Variants in TBL1XR1 observed in about 807,000 individuals in gnomAD.
TBL1XR1 encodes the protein F-box-like/WD repeat-containing protein TBL1XR1.
Under a neutral mutation model 66.9 loss-of-function variants are expected in TBL1XR1, and 5 were observed. That is an observed-to-expected ratio of 0.07 (90% CI 0.04 to 0.16). TBL1XR1 has a LOEUF of 0.16. Among genes scored for constraint, TBL1XR1 ranks in the 10% least tolerant of loss-of-function variants. The pLI, the probability that TBL1XR1 is intolerant of heterozygous loss-of-function variation, is 1.00. For synonymous variants in TBL1XR1, 210 were observed against 206.0 expected, an observed-to-expected ratio of 1.02 and a Z score of -0.17; for missense variants, 238 against 623.2, an observed-to-expected ratio of 0.38 and a Z score of 6.58.
chr3:177,141,929 G>A (rs961425094), intron 1 of TBL1XR1, among the ~76,000 whole-genome samples: 5 of 152,214 alleles, frequency 3.3e-5, no homozygotes, highest in Admixed American at 6.5e-5. Flanking sequence ...GTTATGCTAA[G>A]TATATTAAGG....
At chr3:177,110,542 CAA>C (rs1404377692) in intron 1 of TBL1XR1, among the ~76,000 whole-genome samples, 1 of 151,948 alleles carries the variant, frequency 6.6e-6, no homozygotes, top group Non-Finnish European at 1.5e-5. Context: ...CAGCAGAAGA[CAA>C]AGAGGAGGCA....
At chr3:177,053,683 A>C (rs1235959109) in intron 4 of TBL1XR1, 90 bp downstream of exon 4, 2 of 1,301,412 alleles carry the variant, frequency 1.5e-6, no homozygotes, top group Admixed American at 2.1e-5. Flanking sequence ...GTGAAGCTAA[A>C]GTCAGAATAC....
intron 2 of TBL1XR1, among the ~76,000 whole-genome samples, chr3:177,069,858 A>AAT (rs1560139269): frequency 6.6e-6 from 1 of 151,776 alleles, no homozygotes; most frequent in Non-Finnish European, 1.5e-5. Context: ...GGAAGGAAAA[A>AAT]CAACACACCA....
At chr3:177,160,142 T>C (rs1413308618) in intron 1 of TBL1XR1, among the ~76,000 whole-genome samples, 3 of 152,098 alleles carry the variant, frequency 2.0e-5, no homozygotes, top group Admixed American at 6.6e-5. Context: ...TGAAGAGCTG[T>C]TGGAGGCCTT....
At chr3:177,116,207 C>A (rs1726291196) in intron 1 of TBL1XR1, among the ~76,000 whole-genome samples, 1 of 152,106 alleles carries the variant, frequency 6.6e-6, no homozygotes, top group Admixed American at 6.6e-5. Context: ...CCCCCCAACC[C>A]ATGTCACACA....
chr3:177,072,212 C>A (rs1000904905), intron 2 of TBL1XR1, among the ~76,000 whole-genome samples: 6 of 152,166 alleles, frequency 3.9e-5, no homozygotes, highest in African/African-American at 1.2e-4. Context: ...ATACTAATGA[C>A]AAAATGTGAT....
chr3:177,147,889 T>C (rs945810355), intron 1 of TBL1XR1, among the ~76,000 whole-genome samples: 5 of 152,306 alleles, frequency 3.3e-5, no homozygotes, highest in African/African-American at 9.6e-5. Flanking sequence ...TGATCTACTA[T>C]AAGCAACAAT....
intron 14 of TBL1XR1, 132 bp downstream of exon 14, chr3:177,032,839 A>G: frequency 1.4e-6 from 1 of 693,100 alleles, no homozygotes; most frequent in Non-Finnish European, 2.1e-6. Context: ...ATTAGTTTCT[A>G]TCTTATTTTA....
intron 3 of TBL1XR1, among the ~76,000 whole-genome samples, chr3:177,056,059 G>C (rs1018123121): frequency 7.2e-5 from 11 of 152,136 alleles, no homozygotes; most frequent in Non-Finnish European, 1.5e-4. Flanking sequence ...TTTCCTGATA[G>C]AAAGTAAAAG....
At chr3:177,079,088 A>G (rs1210944815) in intron 2 of TBL1XR1, among the ~76,000 whole-genome samples, 1 of 152,128 alleles carries the variant, frequency 6.6e-6, no homozygotes, top group African/African-American at 2.4e-5. Flanking sequence ...TTTTAATGGC[A>G]GTTACATCAC....
chr3:177,157,646 A>C (rs1216192325), intron 1 of TBL1XR1, among the ~76,000 whole-genome samples: 2 of 152,194 alleles, frequency 1.3e-5, no homozygotes, highest in Non-Finnish European at 2.9e-5. Flanking sequence ...TCTGGGAATT[A>C]GAGTATGGAT....
At chr3:177,132,566 T>C (rs1423108421) in intron 1 of TBL1XR1, among the ~76,000 whole-genome samples, 3 of 152,128 alleles carry the variant, frequency 2.0e-5, no homozygotes, top group Admixed American at 1.3e-4. Flanking sequence ...GGTTAACAGA[T>C]TGTAATAACA....
intron 2 of TBL1XR1, among the ~76,000 whole-genome samples, chr3:177,077,608 A>G (rs1311304501): frequency 6.6e-6 from 1 of 152,156 alleles, no homozygotes; most frequent in Non-Finnish European, 1.5e-5. Flanking sequence ...CAAAGTACCT[A>G]TCTAGCCATA....
At position 177,195,829 on chromosome 3, in the gene TBL1XR1, G is replaced by A. The variant is rs145258010; in HGVS notation, c.-122+1292C>T. 7.4e-3 allele frequency among the ~76,000 whole-genome samples: 1,131 copies of A among 152,248 alleles called. 45 individuals are homozygous for A. The highest frequency in any genetic ancestry group is 0.069 in the Admixed American group (1,060 of 15,286). ...CATACGGTTCCTGTTTGGAAAACAA[G>A]AAAGTGAATAGTAAACTTTCCTAAG... On this transcript the variant is annotated intron_variant, in intron 1 of 15. Transcript: ENST00000457928.
At chr3:177,095,239 C>G (rs902625641) in intron 2 of TBL1XR1, among the ~76,000 whole-genome samples, 1 of 151,604 alleles carries the variant, frequency 6.6e-6, no homozygotes, top group Non-Finnish European at 1.5e-5. Flanking sequence ...AACTCGCAGG[C>G]GGGTAGGAGA....
At chr3:177,056,038 G>A (rs1411929908) in intron 3 of TBL1XR1, among the ~76,000 whole-genome samples, 2 of 152,186 alleles carry the variant, frequency 1.3e-5, no homozygotes, top group Non-Finnish European at 2.9e-5. Flanking sequence ...AAGGGAGAGA[G>A]TGAGCTCCTG....
chr3:177,096,493 T>A (rs1723509440), intron 2 of TBL1XR1, among the ~76,000 whole-genome samples: 1 of 152,156 alleles, frequency 6.6e-6, no homozygotes, highest in Admixed American at 6.6e-5. Context: ...CATAAAAATT[T>A]TTCACTTAAG....
At chr3:177,141,978 C>T (rs1054571085) in intron 1 of TBL1XR1, among the ~76,000 whole-genome samples, 2 of 152,186 alleles carry the variant, frequency 1.3e-5, no homozygotes, top group African/African-American at 4.8e-5. Context: ...ATTCCACTTA[C>T]ATAAGGTACC....
intron 1 of TBL1XR1, among the ~76,000 whole-genome samples, chr3:177,186,884 C>T (rs963800963): frequency 1.3e-5 from 2 of 152,100 alleles, no homozygotes; most frequent in East Asian, 1.9e-4. Context: ...GTCAGGAGTT[C>T]GGCCAGGCGT....
Sources: gnomAD v4.1 joint callset for allele counts (sites outside exome capture counted in the v4.1 genomes callset) on GRCh38, gnomAD v4.1.1 for gene constraint, MANE v1.5 for transcripts, NCBI Gene and HGNC (gene_info 2026-07-23, HGNC 2026-07-21) for gene names.